The following ACSM5 variants were observed in gnomAD, a reference collection of about 807,000 sequenced individuals.
The protein encoded by ACSM5 is acyl-CoA synthetase medium chain family member 5.
A neutral mutation model predicts 71.6 loss-of-function variants in ACSM5; 56 were observed. The ratio of observed to expected loss-of-function variants is 0.78; its 90% CI spans 0.63 to 0.98. ACSM5 has a LOEUF of 0.98. ACSM5 is among the 50% of genes least tolerant of loss of function. The pLI is 0.00. For synonymous variants in ACSM5, 285 were observed against 281.5 expected (o/e 1.01, Z -0.12); for missense variants, 723 against 726.0 (o/e 1.00, Z 0.05).
intron 12 of ACSM5, among the ~76,000 whole-genome samples, chr16:20,438,903 C>G (rs1319309000): frequency 6.9e-6 from 1 of 145,494 alleles, no homozygotes; most frequent in East Asian, 2.1e-4. Context: ...TGCAGTGAGC[C>G]GAGATCACCT....
intron 3 of ACSM5, 26 bp downstream of exon 3, chr16:20,418,295 A>C: frequency 6.3e-7 from 1 of 1,587,946 alleles, no homozygotes; most frequent in Non-Finnish European, 8.6e-7. Flanking sequence ...TGGGAATTTT[A>C]GTTGGGGGCA....
intron 6 of ACSM5, among the ~76,000 whole-genome samples, chr16:20,425,179 T>C (rs1427590404): frequency 1.3e-5 from 2 of 152,212 alleles, no homozygotes; most frequent in Non-Finnish European, 2.9e-5. Context: ...ATCATCCTTC[T>C]AATCTCTATT....
At chr16:20,419,170 C>T in intron 3 of ACSM5, 58 bp from the exon 4 acceptor site, 3 of 1,554,842 alleles carry the variant, frequency 1.9e-6, no homozygotes, top group Non-Finnish European at 8.9e-7. Context: ...CATCTCTTAC[C>T]TCTATACCCA....
intron 5 of ACSM5, among the ~76,000 whole-genome samples, chr16:20,423,452 A>G (rs1049609456): frequency 2.6e-5 from 4 of 152,174 alleles, no homozygotes; most frequent in Admixed American, 1.3e-4. Context: ...CATGTCCATC[A>G]TTGCTCTGGG....
chr16:20,419,195 A>G, intron 3 of ACSM5, 33 bp from the exon 4 acceptor site: 5 of 1,610,678 alleles, frequency 3.1e-6, no homozygotes, highest in Non-Finnish European at 4.2e-6. Flanking sequence ...CTTCCCCGCT[A>G]TCCACTCAAC....
At chr16:20,421,515 C>G in intron 5 of ACSM5, 114 bp downstream of exon 5, 1 of 1,038,036 alleles carries the variant, frequency 9.6e-7, no homozygotes, top group East Asian at 3.1e-5. Context: ...AACAGAATTA[C>G]TGAGAAGCCA....
intron 6 of ACSM5, 105 bp from the exon 7 acceptor site, chr16:20,427,683 G>C (rs1186372148): frequency 1.2e-6 from 1 of 800,600 alleles, no homozygotes; most frequent in Non-Finnish European, 2.2e-6. Flanking sequence ...ATAGTTTTCA[G>C]CTTCTCTGCT....
intron 6 of ACSM5, 130 bp downstream of exon 6, chr16:20,424,199 C>T: frequency 1.7e-6 from 2 of 1,193,408 alleles, no homozygotes; most frequent in South Asian, 3.1e-5. Context: ...GGCTCCCTGG[C>T]CTTCCATAAT....
intron 3 of ACSM5, 99 bp from the exon 4 acceptor site, chr16:20,419,128 CA>C: frequency 2.0e-6 from 2 of 1,004,606 alleles, no homozygotes; most frequent in South Asian, 2.9e-5. Flanking sequence ...CCAGCTCATG[CA>C]TTCCAACCCT....
At chr16:20,410,584 GTTA>G (rs1482897225) in intron 1 of ACSM5, among the ~76,000 whole-genome samples, 6 of 152,048 alleles carry the variant, frequency 3.9e-5, no homozygotes, top group African/African-American at 1.4e-4. Flanking sequence ...CTTTTTAAAA[GTTA>G]GCCACACATG....
At position 20,437,343 on chromosome 16, in the gene ACSM5, C is replaced by G; in HGVS notation, c.1512C>G (p.Ser504Arg). The G allele has an allele frequency of 6.2e-7, 1 of 1,613,886 alleles. No homozygotes were observed. The highest frequency in any genetic ancestry group is 8.5e-7 in the Non-Finnish European group (1 of 1,179,916). Residue 504 changes from serine to arginine, a missense_variant, in exon 12 of 14, where the codon AGC becomes AGG. Coordinates refer to ENST00000331849, the MANE Select transcript of ACSM5 (RefSeq NM_017888.3). The stretch of plus-strand genomic sequence containing the variant: ...CTGTCCTGGAGTCGGCTGTGGTCAG[C>G]AGCCCAGACCCCATCAGGGGAGAGG... ...HPAVLESAVVSSPDPIRGEVV... is the reference protein window; with the variant it reads ...HPAVLESAVVRSPDPIRGEVV...
intron 8 of ACSM5, 57 bp downstream of exon 8, chr16:20,429,858 C>A: frequency 6.3e-7 from 1 of 1,589,496 alleles, no homozygotes; most frequent in Non-Finnish European, 8.6e-7. Context: ...AGCTTCCTGC[C>A]TCTCCGGCTG....
At chr16:20,416,019 T>G (rs1966855727) in intron 2 of ACSM5, among the ~76,000 whole-genome samples, 1 of 152,020 alleles carries the variant, frequency 6.6e-6, no homozygotes, top group South Asian at 2.1e-4. Context: ...ATAAATAAAT[T>G]TAACCAAAGA....
chr16:20,418,224 C>T lies in ACSM5; in HGVS notation c.370C>T (p.Arg124Trp), dbSNP rs144548629. Residue 124 changes from arginine (R) to tryptophan (W), a missense_variant, in exon 3 of 14, where the codon CGG becomes TGG. Transcript: ENST00000331849. ...GGACAGAATGATGCTGGTACTCCCA[C>T]GGCTCCCGGAGTGGTGGCTGGTCAG... ...PGDRMMLVLP[R>W]LPEWWLVSVA... 0.01 allele frequency: 16,725 copies of T among 1,612,328 alleles called. 119 individuals carry two copies. The highest frequency in any genetic ancestry group is 0.012 in the Non-Finnish European group (14,256 of 1,179,816).
chr16:20,425,417 A>G (rs1452711612), intron 6 of ACSM5, among the ~76,000 whole-genome samples: 2 of 152,180 alleles, frequency 1.3e-5, no homozygotes, highest in Non-Finnish European at 2.9e-5. Context: ...AAAACATAGT[A>G]GATTCTTTTT....
intron 7 of ACSM5, among the ~76,000 whole-genome samples, chr16:20,428,144 G>A (rs540436881): frequency 6.6e-6 from 1 of 152,256 alleles, no homozygotes; most frequent in East Asian, 1.9e-4. Flanking sequence ...TAGATTTAAG[G>A]CAGACTGAAA....
chr16:20,411,629 G>A lies in ACSM5; in HGVS notation c.145G>A (p.Val49Met), dbSNP rs1966847894. ...AGCCATCAGCCTGGGAAGGCAGCTG[G>A]TGCCTGAGTACTTCAACTTCGCCCA... ...WEAISLGRQL[V>M]PEYFNFAHDV... Residue 49 changes from valine to methionine, a missense_variant, in exon 2 of 14, where the codon GTG (valine) becomes ATG (methionine). Transcript: ENST00000331849. 1 of 1,614,026 alleles carries A rather than the reference G, an allele frequency of 6.2e-7. No homozygotes were observed. The highest frequency in any genetic ancestry group is 1.1e-5 in the South Asian group (1 of 91,074).
chr16:20,428,109 A>G (rs1334662431), intron 7 of ACSM5, among the ~76,000 whole-genome samples: 3 of 152,144 alleles, frequency 2.0e-5, no homozygotes, highest in Non-Finnish European at 2.9e-5. Context: ...TGGCCCCCCA[A>G]AATTTGCATC....
rs149293468 is a variant in ACSM5, at chr16:20,432,433, T to A, written c.1308+1112T>A. On this transcript the variant is annotated intron_variant, in intron 10 of 13. Coordinates refer to ENST00000331849, the MANE Select transcript of ACSM5 (RefSeq NM_017888.3). ...TTCAAAATGTTGCATTTTAGTGGTT[T>A]TTCTGTCACTACAAGAGAAATAATC... 9.8e-5 allele frequency among the ~76,000 whole-genome samples: 15 copies of A among 152,324 alleles called. No homozygotes were observed. The East Asian group carries it at 2.9e-3, about 29-fold the overall frequency.
Sources: gnomAD v4.1 joint callset for allele counts (sites outside exome capture counted in the v4.1 genomes callset) on GRCh38, gnomAD v4.1.1 for gene constraint, MANE v1.5 for transcripts, NCBI Gene and HGNC (gene_info 2026-07-23, HGNC 2026-07-21) for gene names.